The following POT1 variants were observed in gnomAD, a reference collection of about 807,000 sequenced individuals.
POT1 encodes protection of telomeres protein 1.
A neutral mutation model predicts 78.5 loss-of-function variants in POT1; 47 were observed. The observed-to-expected ratio is 0.60, with a 90% confidence interval of 0.47 to 0.76. The LOEUF (loss-of-function observed/expected upper bound fraction) is 0.76. Among genes scored for constraint, POT1 ranks in the 30% least tolerant of loss-of-function variants. The probability of loss-of-function intolerance (pLI) is 0.00; values close to 1 mark genes in which losing one functional copy is unlikely to be tolerated. For synonymous variants in POT1, 259 were observed against 260.7 expected, an observed-to-expected ratio of 0.99 and a Z score of 0.06; for missense variants, 646 against 749.9, an observed-to-expected ratio of 0.86 and a Z score of 1.62.
intron 3 of POT1, among the ~76,000 whole-genome samples, chr7:124,912,848 C>T (rs1398086861): frequency 2.6e-5 from 4 of 152,156 alleles, no homozygotes; most frequent in African/African-American, 9.7e-5. Context: ...AGGGCCACAG[C>T]CTCAAAAGAT....
chr7:124,824,014 TTA>T lies in POT1; in HGVS notation c.1851_1852del (p.Asp617GlufsTer9), dbSNP rs758673417. 101 of 1,609,030 alleles carry T rather than the reference TTA, an allele frequency of 6.3e-5. No individual in the cohort carries two copies. Among genetic ancestry groups the T allele is most frequent in the Non-Finnish European group, 8.2e-5 (96 of 1,176,494 alleles). ...GTCAAAAATCTGATAGCAAATTTGA[TTA>T]TCTGTTCCATTTGTGACATTGTATG... On this transcript the variant is annotated frameshift_variant, in exon 19 of 19. Coordinates refer to ENST00000357628, the MANE Select transcript of POT1 (RefSeq NM_015450.3). LOFTEE classifies it high-confidence loss of function.
In POT1 at chr7:124,840,909, ATAAT is replaced by A. The variant is rs564160304; in HGVS notation, c.1369+60_1369+63del. 9.3e-4 allele frequency: 1,223 copies of A among 1,316,006 alleles called. 2 individuals carry two copies. Among genetic ancestry groups the A allele is most frequent in the Middle Eastern group, 3.5e-3 (13 of 3,678 alleles). The allele number at this position is 1,316,006 out of a possible 1,614,324, so 81.5% of individuals were successfully genotyped here. ...GGTTGTCTGTAAAATGTATTAAACA[ATAAT>A]TAATTAGGAAAAATATGCAAAAGGA... On this transcript the variant is annotated intron_variant, in intron 14 of 18. Coordinates refer to ENST00000357628, the MANE Select transcript of POT1 (RefSeq NM_015450.3).
chr7:124,912,249 GAA>G (rs1033683483), intron 3 of POT1, among the ~76,000 whole-genome samples: 1 of 142,744 alleles, frequency 7.0e-6, no homozygotes, highest in African/African-American at 2.6e-5. Flanking sequence ...AAAATTGGGG[GAA>G]AAAAAAAAAA....
intron 4 of POT1, 117 bp from the exon 5 acceptor site, chr7:124,897,329 G>A (rs1264216067): frequency 1.1e-5 from 4 of 379,190 alleles, no homozygotes; most frequent in Non-Finnish European, 1.9e-5. Flanking sequence ...TCACTAGGAT[G>A]ACATAAAGTT....
At chr7:124,827,437 A>G (rs1794658670) in intron 16 of POT1, 132 bp from the exon 17 acceptor site, 2 of 446,722 alleles carry the variant, frequency 4.5e-6, no homozygotes, top group Non-Finnish European at 7.8e-6. Context: ...ACAAAGAAAA[A>G]CTTGGCATTA....
chr7:124,855,243 A>C (rs1176031020), intron 9 of POT1, among the ~76,000 whole-genome samples: 1 of 130,396 alleles, frequency 7.7e-6, no homozygotes, highest in Non-Finnish European at 1.7e-5. Context: ...AAAAAAAAAA[A>C]CCAGAGCAGG....
At chr7:124,901,507 C>G (rs1796618772) in intron 3 of POT1, among the ~76,000 whole-genome samples, 1 of 152,098 alleles carries the variant, frequency 6.6e-6, no homozygotes, top group Non-Finnish European at 1.5e-5. Flanking sequence ...ACATCCACAC[C>G]AAAAACCCAT....
At chr7:124,884,473 TC>T (rs756144304) in intron 6 of POT1, among the ~76,000 whole-genome samples, 4 of 152,152 alleles carry the variant, frequency 2.6e-5, no homozygotes, top group East Asian at 3.8e-4. Context: ...AAACTACTTT[TC>T]TAAAATGAGT....
At chr7:124,906,994 A>G (rs1395897229) in intron 3 of POT1, among the ~76,000 whole-genome samples, 1 of 152,150 alleles carries the variant, frequency 6.6e-6, no homozygotes, top group Non-Finnish European at 1.5e-5. Context: ...AGCCATTCAA[A>G]CAAGAATTGG....
chr7:124,824,993 A>G (rs1316739960), intron 18 of POT1, among the ~76,000 whole-genome samples: 2 of 152,136 alleles, frequency 1.3e-5, no homozygotes, highest in African/African-American at 2.4e-5. Context: ...ACAATGTCAA[A>G]TGTGCTTGTG....
At chr7:124,904,862 C>A (rs1389521626) in intron 3 of POT1, among the ~76,000 whole-genome samples, 2 of 151,000 alleles carry the variant, frequency 1.3e-5, no homozygotes, top group Non-Finnish European at 3.0e-5. Context: ...AACAGACAAA[C>A]AGCCAAATCA....
At chr7:124,825,980 G>A (rs912470090) in intron 17 of POT1, among the ~76,000 whole-genome samples, 1 of 152,098 alleles carries the variant, frequency 6.6e-6, no homozygotes, top group Non-Finnish European at 1.5e-5. Context: ...CTTGTGGAAC[G>A]TAATCTCTAA....
chr7:124,865,912 GAATGT>G (rs1215969400), intron 7 of POT1, among the ~76,000 whole-genome samples: 1 of 152,026 alleles, frequency 6.6e-6, no homozygotes, highest in Non-Finnish European at 1.5e-5. Flanking sequence ...AGTTGGTTTG[GAATGT>G]GTATGATTTT....
intron 5 of POT1, among the ~76,000 whole-genome samples, chr7:124,896,075 A>G (rs1211086891): frequency 6.8e-6 from 1 of 147,912 alleles, no homozygotes; most frequent in South Asian, 2.2e-4. Flanking sequence ...TATATTCTCA[A>G]AAAAATACAC....
chr7:124,845,435 G>A (rs1390685406), intron 12 of POT1, among the ~76,000 whole-genome samples: 1 of 152,074 alleles, frequency 6.6e-6, no homozygotes, highest in African/African-American at 2.4e-5. Context: ...TGCATTTTTG[G>A]CAGGAATAAT....
intron 11 of POT1, among the ~76,000 whole-genome samples, chr7:124,850,146 T>C (rs557824462): frequency 2.0e-4 from 30 of 152,342 alleles, no homozygotes; most frequent in African/African-American, 6.5e-4. Flanking sequence ...CTGAACTAAA[T>C]TGGTTTCCTA....
At chr7:124,912,814 G>A (rs536260739) in intron 3 of POT1, among the ~76,000 whole-genome samples, 1 of 152,184 alleles carries the variant, frequency 6.6e-6, no homozygotes, top group Admixed American at 6.5e-5. Context: ...TACTGCAGAG[G>A]CTCCAGTTCC....
In POT1 at chr7:124,863,611, A is replaced by G; in HGVS notation, c.285T>C (p.Gly95=). ...AAGATGCAAAGCCAGAGCTGGTGAT[A>G]CCCTGAGTCTCCTTTTTATATACTT... is the stretch of plus-strand genomic sequence containing the variant. ...KIQVYKKETQ[G]ITSSGFASLT... Residue 95 remains glycine (G), a synonymous_variant, in exon 8 of 19, where the codon GGT becomes GGC. Transcript: ENST00000357628. The G allele has an allele frequency of 4.3e-6, 7 of 1,612,774 alleles. No homozygotes were observed. Among genetic ancestry groups the G allele is most frequent in the Non-Finnish European group, 5.9e-6 (7 of 1,179,514 alleles).
chr7:124,878,224 C>A (rs1785075300), intron 6 of POT1, among the ~76,000 whole-genome samples: 1 of 151,892 alleles, frequency 6.6e-6, no homozygotes, highest in African/African-American at 2.4e-5. Context: ...CCCAGCTATT[C>A]AGGAGGCTGA....
Sources: gnomAD v4.1 joint callset for allele counts (sites outside exome capture counted in the v4.1 genomes callset) on GRCh38, gnomAD v4.1.1 for gene constraint, MANE v1.5 for transcripts, NCBI Gene and HGNC (gene_info 2026-07-23, HGNC 2026-07-21) for gene names.